RAP1GAP2: variants seen among roughly 807,000 people sequenced by gnomAD.
RAP1GAP2 encodes rap1 GTPase-activating protein 2.
RAP1GAP2 carries 27 observed loss-of-function variants against 95.0 expected under a neutral mutation model. The ratio of observed to expected loss-of-function variants is 0.28; its 90% CI spans 0.21 to 0.39. The LOEUF (loss-of-function observed/expected upper bound fraction) is 0.39, where lower values mean the gene tolerates loss of function less well. RAP1GAP2 is among the 10% of genes least tolerant of loss of function. The pLI, the probability that RAP1GAP2 is intolerant of heterozygous loss-of-function variation, is 1.00. For missense variants in RAP1GAP2, 771 were observed against 970.0 expected (o/e 0.79, Z 2.72); for synonymous variants, 373 against 380.9 (o/e 0.98, Z 0.24).
chr17:2,858,676 G>A (rs2072247940), intron 2 of RAP1GAP2, among the ~76,000 whole-genome samples: 1 of 152,136 alleles, frequency 6.6e-6, no homozygotes, highest in Admixed American at 6.5e-5. Context: ...GGGAGGCCAA[G>A]GTGGGAGGAT....
intron 11 of RAP1GAP2, among the ~76,000 whole-genome samples, chr17:2,985,667 G>A (rs1217667768): frequency 1.3e-5 from 2 of 152,156 alleles, no homozygotes; most frequent in South Asian, 2.1e-4. Flanking sequence ...GCCCTCACAC[G>A]TTGCTTTGGA....
intron 11 of RAP1GAP2, among the ~76,000 whole-genome samples, chr17:2,989,428 G>C (rs997277186): frequency 1.1e-4 from 17 of 152,050 alleles, no homozygotes; most frequent in Admixed American, 5.9e-4. Context: ...TGCCTCCCGG[G>C]TTCCAGCGAT....
intron 8 of RAP1GAP2, among the ~76,000 whole-genome samples, chr17:2,969,496 C>CTTTTTTTTTTTTTTTTTTTTTTT (rs34468461): frequency 2.3e-4 from 19 of 83,778 alleles, no homozygotes; most frequent in African/African-American, 8.7e-4. Flanking sequence ...TATATATATT[C>CTTTTTTTTTTTTTTTTTTTTTTT]TTTTTTTTTT....
intron 1 of RAP1GAP2, among the ~76,000 whole-genome samples, chr17:2,784,651 A>G (rs1435288734): frequency 1.3e-5 from 2 of 152,152 alleles, no homozygotes; most frequent in African/African-American, 2.4e-5. Flanking sequence ...CTGTCCCCAG[A>G]TCCCCGCCTA....
At chr17:2,979,460 GTTTTTTTTTTT>G (rs71153320) in intron 8 of RAP1GAP2, among the ~76,000 whole-genome samples, 3 of 78,608 alleles carry the variant, frequency 3.8e-5, no homozygotes, top group Non-Finnish European at 7.0e-5. Flanking sequence ...GGCGTGTTCT[GTTTTTTTTTTT>G]TTTTTTTTTT....
At position 2,963,826 on chromosome 17, in the gene RAP1GAP2, G is replaced by A; in HGVS notation, c.280-30G>A. The A allele has an allele frequency of 6.5e-7, 1 of 1,532,536 alleles. No individual in the cohort carries two copies. 94.9% of individuals were successfully genotyped at this position (1,532,536 alleles called of 1,614,324 possible). A position where few individuals can be genotyped will look rare whatever the true frequency, so the allele number is the denominator to read the frequency against. On this transcript the variant is annotated intron_variant, in intron 6 of 24. Transcript: ENST00000254695. The surrounding 1 kb of genome is among the most constrained non-coding windows in gnomAD (Gnocchi z 4.8). ...CCCCCTCCCTCCCCTGCGGTCCCAG[G>A]GGAGCGCACGACCCTCCCTCTGCCT... is the stretch of plus-strand genomic sequence containing the variant.
intron 8 of RAP1GAP2, among the ~76,000 whole-genome samples, chr17:2,972,652 T>C (rs1036672139): frequency 1.1e-3 from 139 of 131,722 alleles, no homozygotes; most frequent in African/African-American, 3.7e-3. Flanking sequence ...TCAAATGAGA[T>C]GCAAAAAAAG....
At chr17:2,781,571 TGCAGGTCTCTGTGTGG>T (rs2068648181) in intron 1 of RAP1GAP2, among the ~76,000 whole-genome samples, 1 of 121,598 alleles carries the variant, frequency 8.2e-6, no homozygotes, top group African/African-American at 3.3e-5. Flanking sequence ...TCTCTGTGTG[TGCAGGTCTCTGTGTGG>T]GCACGTCTCT....
intron 2 of RAP1GAP2, among the ~76,000 whole-genome samples, chr17:2,888,652 CTTTTTTTTTT>C (rs59994615): frequency 3.8e-5 from 4 of 104,020 alleles, no homozygotes; most frequent in Non-Finnish European, 7.7e-5. Flanking sequence ...TTTTCTTTTT[CTTTTTTTTTT>C]TTTTTTTGGA....
At chr17:3,031,853 A>G (rs2047317639) in intron 23 of RAP1GAP2, among the ~76,000 whole-genome samples, 1 of 139,454 alleles carries the variant, frequency 7.2e-6, no homozygotes, top group African/African-American at 2.8e-5. Context: ...GACTATCGAG[A>G]GCTCCAGGTC....
intron 2 of RAP1GAP2, among the ~76,000 whole-genome samples, chr17:2,890,566 A>G (rs1016120020): frequency 2.6e-5 from 4 of 152,072 alleles, no homozygotes; most frequent in African/African-American, 9.7e-5. Context: ...GCACTGTGAG[A>G]CGGGGCTCCT....
At chr17:3,022,896 G>GC (rs2047002920) in intron 19 of RAP1GAP2, among the ~76,000 whole-genome samples, 1 of 152,136 alleles carries the variant, frequency 6.6e-6, no homozygotes, top group Non-Finnish European at 1.5e-5. Flanking sequence ...ATTTTGATTT[G>GC]ATTTTTATGT....
At chr17:2,973,367 C>G (rs1055108184) in intron 8 of RAP1GAP2, among the ~76,000 whole-genome samples, 7 of 151,918 alleles carry the variant, frequency 4.6e-5, no homozygotes, top group African/African-American at 1.5e-4. Flanking sequence ...AATACAAAAA[C>G]TAGCCAGGCG....
intron 2 of RAP1GAP2, among the ~76,000 whole-genome samples, chr17:2,814,158 T>C (rs891383469): frequency 2.6e-5 from 4 of 152,220 alleles, no homozygotes; most frequent in Admixed American, 6.5e-5. Flanking sequence ...AGCTTACTGA[T>C]TGATTTGTGG....
intron 2 of RAP1GAP2, among the ~76,000 whole-genome samples, chr17:2,813,638 G>A (rs373553591): frequency 1.5e-4 from 23 of 152,236 alleles, no homozygotes; most frequent in African/African-American, 5.3e-4. Flanking sequence ...TCCACAAGAT[G>A]CCCACAACCC....
exon 2 of RAP1GAP2, chr17:2,770,432 G>A (rs924310974): frequency 1.0e-5 from 4 of 398,608 alleles, no homozygotes; most frequent in Non-Finnish European, 1.3e-5. Context: ...GGCTGACCTC[G>A]AGTCTCCCTC....
chr17:2,839,118 C>T (rs1006663125), intron 2 of RAP1GAP2, among the ~76,000 whole-genome samples: 7 of 151,974 alleles, frequency 4.6e-5, no homozygotes, highest in African/African-American at 1.7e-4. Flanking sequence ...GCCTGGCCAA[C>T]ATGGTGAAAC....
rs1357510933 is a variant in RAP1GAP2, at chr17:2,797,836, G to T, written c.44+1265G>T. 9.4e-6 allele frequency: 9 copies of T among 960,504 alleles called. No homozygotes were observed. The highest frequency in any genetic ancestry group is 3.5e-5 in the African/African-American group (2 of 56,608). The allele number at this position is 960,504 out of a possible 1,614,324, so 59.5% of individuals were successfully genotyped here. ...AGGACTTGGCTTCTGGTTGGGAGGG[G>T]TGTGTGTGTCTTGGCTGTGGGCCTT... On this transcript the variant is annotated intron_variant, in intron 1 of 24. Transcript: ENST00000254695. This position sits in a 1 kb window ranked among gnomAD's most constrained non-coding sequence, Gnocchi z 5.6.
chr17:2,774,988 A>T (rs1321307215), upstream of RAP1GAP2, among the ~76,000 whole-genome samples: 8 of 146,444 alleles, frequency 5.5e-5, no homozygotes, highest in South Asian at 4.3e-4. Flanking sequence ...GCCCTGCTAA[A>T]TTTTTTTTTT....
Sources: allele counts gnomAD v4.1 joint callset (sites outside exome capture counted in the v4.1 genomes callset), GRCh38; gene constraint gnomAD v4.1.1; non-coding constraint Gnocchi (gnomAD v3.1); transcripts MANE v1.5; gene names NCBI Gene and HGNC (gene_info 2026-07-23, HGNC 2026-07-21).